PFKP: variants seen among roughly 807,000 people sequenced by gnomAD.
The protein encoded by PFKP is ATP-dependent 6-phosphofructokinase, platelet type.
Under a neutral mutation model 94.3 loss-of-function variants are expected in PFKP, and 101 were observed. The observed-to-expected ratio is 1.07, with a 90% CI of 0.91 to 1.26. PFKP has a LOEUF of 1.26. Ranked by LOEUF, PFKP falls within the 50% of genes most tolerant of loss-of-function variation. PFKP has a pLI of 0.00. For missense variants in PFKP, 1,145 were observed against 1,103.3 expected (o/e 1.04, Z -0.53); for synonymous variants, 573 against 432.6 (o/e 1.32, Z -4.03).
intron 10 of PFKP, among the ~76,000 whole-genome samples, chr10:3,111,283 C>A (rs190238618): frequency 1.3e-5 from 2 of 151,222 alleles, no homozygotes; most frequent in East Asian, 3.9e-4. Context: ...CGTGTGTCTG[C>A]ATGTTTGTGT....
chr10:3,127,466 G>A (rs1431234201), intron 16 of PFKP, among the ~76,000 whole-genome samples: 1 of 152,236 alleles, frequency 6.6e-6, no homozygotes, highest in Non-Finnish European at 1.5e-5. Context: ...TGGGCTGCGG[G>A]GGAGATTCAG....
chr10:3,083,696 G>A (rs1833261925), intron 2 of PFKP, among the ~76,000 whole-genome samples: 1 of 152,100 alleles, frequency 6.6e-6, no homozygotes, highest in South Asian at 2.1e-4. Context: ...AGGCTTGAGT[G>A]CAATGGCTTG....
intron 2 of PFKP, among the ~76,000 whole-genome samples, chr10:3,096,131 T>A (rs1483295353): frequency 6.6e-6 from 1 of 152,256 alleles, no homozygotes; most frequent in Non-Finnish European, 1.5e-5. Flanking sequence ...TTCTGTGAAC[T>A]CATGCAGGGA....
chr10:3,103,656 A>G, intron 4 of PFKP, 123 bp from the exon 5 acceptor site: 1 of 932,862 alleles, frequency 1.1e-6, no homozygotes, highest in Non-Finnish European at 1.6e-6. Context: ...AATGATACCA[A>G]TAACAAAGAG....
chr10:3,090,637 C>T (rs1279494275), intron 2 of PFKP, among the ~76,000 whole-genome samples: 1 of 151,916 alleles, frequency 6.6e-6, no homozygotes, highest in East Asian at 1.9e-4. Flanking sequence ...CTGGGGTGGG[C>T]AATTCTTGGT....
chr10:3,088,558 C>A (rs978301252), intron 2 of PFKP, among the ~76,000 whole-genome samples: 2 of 152,172 alleles, frequency 1.3e-5, no homozygotes, highest in Non-Finnish European at 2.9e-5. Context: ...TCCCACCTCT[C>A]TTTGCAGGGG....
intron 16 of PFKP, among the ~76,000 whole-genome samples, chr10:3,120,389 G>T (rs1455146579): frequency 3.3e-5 from 5 of 152,016 alleles, no homozygotes; most frequent in Non-Finnish European, 7.4e-5. Context: ...GTGTGTGTGT[G>T]TGTGTGTGTG....
chr10:3,090,163 T>C (rs1833932845), intron 2 of PFKP, among the ~76,000 whole-genome samples: 1 of 152,240 alleles, frequency 6.6e-6, no homozygotes, highest in South Asian at 2.1e-4. Context: ...GGATAAAATG[T>C]GGCGTATATA....
At chr10:3,120,647 CAT>C (rs1239000508) in intron 16 of PFKP, among the ~76,000 whole-genome samples, 3 of 152,080 alleles carry the variant, frequency 2.0e-5, no homozygotes, top group Non-Finnish European at 2.9e-5. Context: ...AATAATAAAA[CAT>C]AGAAATATAT....
At chr10:3,070,433 A>C (rs1832095341) in intron 1 of PFKP, 1 of 152,224 alleles carries the variant, frequency 6.6e-6, no homozygotes, top group African/African-American at 2.4e-5. Flanking sequence ...GTAGCTAGAG[A>C]TGAGAGAACA....
intron 6 of PFKP, 90 bp from the exon 7 acceptor site, chr10:3,105,303 T>C: frequency 7.6e-7 from 1 of 1,307,222 alleles, no homozygotes; most frequent in Non-Finnish European, 1.1e-6. Flanking sequence ...TGGCGTTAGG[T>C]CTGCACGTCT....
At chr10:3,087,170 G>A (rs1413612704) in intron 2 of PFKP, among the ~76,000 whole-genome samples, 1 of 152,044 alleles carries the variant, frequency 6.6e-6, no homozygotes, top group African/African-American at 2.4e-5. Flanking sequence ...TGTTGGCCAG[G>A]CTGGTCTTGA....
chr10:3,122,489 A>C (rs6602027), intron 16 of PFKP, among the ~76,000 whole-genome samples: 85,177 of 152,108 alleles, frequency 0.56, 24,364 homozygotes, highest in East Asian at 0.68. Context: ...AATCCTGAGA[A>C]GGTTTGGATT....
Position 3,100,774 on chromosome 10 carries a change from T to A in PFKP, c.265-591T>A, listed in dbSNP as rs1834911439. 1.8e-5 allele frequency: 10 copies of A among 554,632 alleles called. No homozygotes were observed. The South Asian group carries it at 2.0e-4, about 11-fold the overall frequency. 34.4% of individuals were successfully genotyped at this position (554,632 alleles called of 1,614,324 possible). A position where few individuals can be genotyped will look rare whatever the true frequency, so the allele number is the denominator to read the frequency against. ...TTTTTGGAAAACCAAGTGTGACGAATCATGATCTATGTCCCCTGGAAGTTT... is the reference window on the plus strand; with the variant it reads ...TTTTTGGAAAACCAAGTGTGACGAAACATGATCTATGTCCCCTGGAAGTTT... On this transcript the variant is annotated intron_variant, in intron 3 of 21. Coordinates refer to ENST00000381125, the MANE Select transcript of PFKP (RefSeq NM_002627.5).
chr10:3,110,082 T>C (rs2131588916), intron 10 of PFKP, among the ~76,000 whole-genome samples: 1 of 152,298 alleles, frequency 6.6e-6, no homozygotes, highest in African/African-American at 2.4e-5. Context: ...CCCACCCTTC[T>C]TGGGCCAGGG....
At chr10:3,124,513 G>A (rs1452603831) in intron 16 of PFKP, among the ~76,000 whole-genome samples, 1 of 152,218 alleles carries the variant, frequency 6.6e-6, no homozygotes, top group Non-Finnish European at 1.5e-5. Context: ...GGCTTGCCGA[G>A]GGCAGAAACG....
chr10:3,086,880 C>G (rs1486836353), intron 2 of PFKP, among the ~76,000 whole-genome samples: 1 of 152,162 alleles, frequency 6.6e-6, no homozygotes, highest in East Asian at 1.9e-4. Context: ...GTCCTCAGAC[C>G]TGTGCCTGCT....
At chr10:3,104,568 C>T (rs11251720) in intron 5 of PFKP, among the ~76,000 whole-genome samples, 102,051 of 152,122 alleles carry the variant, frequency 0.67, 34,591 homozygotes, top group East Asian at 0.92. Context: ...TTCCCAGTGA[C>T]GCCTCACTGG....
At position 3,103,822 on chromosome 10, in the gene PFKP, C is replaced by T. The variant is rs762256780; in HGVS notation, c.498C>T (p.Asn166=). ...KEAVQKYAYL[N]VVGMVGSIDN... is the part of the protein sequence containing the mutation. ...CCGTGCAGAAGTACGCCTACCTCAA[C>T]GTGGTGGGCATGGTGGGCTCCATCG... Residue 166 remains asparagine, a synonymous_variant, in exon 5 of 22, where the codon AAC becomes AAT. Coordinates refer to ENST00000381125, the MANE Select transcript of PFKP (RefSeq NM_002627.5). The T allele has an allele frequency of 2.5e-5, 40 of 1,613,842 alleles. No individual in the cohort carries two copies. Among genetic ancestry groups the T allele is most frequent in the Middle Eastern group, 3.3e-4 (2 of 6,084 alleles).
Sources: allele counts gnomAD v4.1 joint callset (sites outside exome capture counted in the v4.1 genomes callset), GRCh38; gene constraint gnomAD v4.1.1; transcripts MANE v1.5; gene names NCBI Gene and HGNC (gene_info 2026-07-23, HGNC 2026-07-21).